Variants in ANK3 observed in about 807,000 individuals in gnomAD.
ANK3 encodes the protein ankyrin 3.
In ANK3, 57 loss-of-function variants were observed where a neutral mutation model predicts 370.9. That is an observed-to-expected ratio of 0.15 (90% confidence interval 0.12 to 0.19). The LOEUF (loss-of-function observed/expected upper bound fraction) is 0.19. Among genes scored for constraint, ANK3 ranks in the 10% least tolerant of loss-of-function variants. The pLI, the probability that ANK3 is intolerant of heterozygous loss-of-function variation, is 1.00. For synonymous variants in ANK3, 1,929 were observed against 1,946.3 expected (o/e 0.99, Z 0.23); for missense variants, 4,439 against 5,302.1 (o/e 0.84, Z 5.06).
At chr10:60,038,250 A>C (rs1346239457) in intron 43 of ANK3, among the ~76,000 whole-genome samples, 2 of 152,148 alleles carry the variant, frequency 1.3e-5, no homozygotes, top group African/African-American at 4.8e-5. Context: ...TACAAAAATT[A>C]GCGGGGCATG....
At chr10:60,300,489 A>G in intron 1 of ANK3, 3 of 1,268,764 alleles carry the variant, frequency 2.4e-6, no homozygotes, top group Non-Finnish European at 3.1e-6. Flanking sequence ...AGCTGGTCAG[A>G]AGCAACTAAC....
chr10:60,346,752 A>T (rs1157049367), intron 1 of ANK3, among the ~76,000 whole-genome samples: 1 of 152,052 alleles, frequency 6.6e-6, no homozygotes, highest in African/African-American at 2.4e-5. Context: ...GCTATGCCTC[A>T]TGTCTTTTGC....
At chr10:60,232,595 G>C (rs755280955) in intron 8 of ANK3, among the ~76,000 whole-genome samples, 5 of 152,094 alleles carry the variant, frequency 3.3e-5, no homozygotes, top group Admixed American at 6.5e-5. Flanking sequence ...CAGTCATTTA[G>C]GGGTCGGCCT....
At chr10:60,426,326 C>A (rs932140733) in intron 2 of ANK3, among the ~76,000 whole-genome samples, 1 of 152,100 alleles carries the variant, frequency 6.6e-6, no homozygotes, top group Non-Finnish European at 1.5e-5. Context: ...CCCAAAGCTG[C>A]CATGTCCCTA....
At chr10:60,277,355 A>G (rs2132697971) in intron 4 of ANK3, among the ~76,000 whole-genome samples, 1 of 152,358 alleles carries the variant, frequency 6.6e-6, no homozygotes, top group South Asian at 2.1e-4. Context: ...TACTCTTAAA[A>G]GATAAAACTG....
At chr10:60,185,882 C>T (rs1301823110) in intron 17 of ANK3, among the ~76,000 whole-genome samples, 1 of 152,136 alleles carries the variant, frequency 6.6e-6, no homozygotes, top group South Asian at 2.1e-4. Context: ...CTTGACAAAA[C>T]TCTAGTCTTT....
intron 2 of ANK3, among the ~76,000 whole-genome samples, chr10:60,489,097 C>T (rs966554807): frequency 2.0e-5 from 3 of 152,088 alleles, no homozygotes; most frequent in Admixed American, 2.0e-4. Flanking sequence ...TTCACAATGA[C>T]CATAGTCCAT....
chr10:60,074,084 C>T lies in ANK3; in HGVS notation c.6797G>A (p.Arg2266Lys), dbSNP rs1277783590. The change falls in exon 37 of 44, where the codon AGA becomes AAA. Residue 2266 changes from arginine to lysine, a missense_variant. By Grantham distance (26) the Arg-to-Lys change is conservative. Around this residue, in one of 13 missense-constraint regions of ANK3, gnomAD observed 1,601 missense variants for 1,731.7 expected, o/e 0.92. Transcript: ENST00000280772. ...ATGGACTGACATGGTTTCTTCAATT[C>T]TTTCAGATGCACCTTCACCGCCTGG... ...SPPGGEGASE[R>K]IEETMSVHDI... The T allele has an allele frequency of 6.2e-7, 1 of 1,614,082 alleles. No individual in the cohort carries two copies. The highest frequency in any genetic ancestry group is 1.1e-5 in the South Asian group (1 of 91,068).
At chr10:60,299,765 T>A (rs1000867395) in intron 1 of ANK3, among the ~76,000 whole-genome samples, 3 of 152,230 alleles carry the variant, frequency 2.0e-5, no homozygotes, top group African/African-American at 2.4e-5. Flanking sequence ...GATGACTTAT[T>A]TATATCTATG....
chr10:60,196,704 C>A (rs1013114198), intron 14 of ANK3, 79 bp from the exon 15 acceptor site: 42 of 869,884 alleles, frequency 4.8e-5, no homozygotes, highest in Admixed American at 4.7e-5. Context: ...AACCAAACAA[C>A]AAACAAACAA....
chr10:60,068,616 C>T, intron 37 of ANK3, 21 bp downstream of exon 37: 1 of 1,577,392 alleles, frequency 6.3e-7, no homozygotes, highest in Non-Finnish European at 8.6e-7. Context: ...GCTCGAGAGA[C>T]CTGACTGCCT....
At chr10:60,670,454 A>G (rs982367148) in intron 1 of ANK3, among the ~76,000 whole-genome samples, 1 of 152,048 alleles carries the variant, frequency 6.6e-6, no homozygotes, top group African/African-American at 2.4e-5. Context: ...TATATCCCAG[A>G]TCCACTCGGT....
intron 43 of ANK3, among the ~76,000 whole-genome samples, chr10:60,030,884 C>G (rs1412079103): frequency 6.6e-6 from 1 of 152,192 alleles, no homozygotes; most frequent in African/African-American, 2.4e-5. Flanking sequence ...AGACCCTCTT[C>G]TAGTTCTGTC....
intron 28 of ANK3, among the ~76,000 whole-genome samples, chr10:60,096,528 T>C (rs932197254): frequency 6.6e-6 from 1 of 152,226 alleles, no homozygotes; most frequent in African/African-American, 2.4e-5. Context: ...ACAATCGTAC[T>C]ACATGTTAGT....
chr10:60,513,431 C>T (rs2076138482), intron 2 of ANK3, among the ~76,000 whole-genome samples: 1 of 152,004 alleles, frequency 6.6e-6, no homozygotes, highest in African/African-American at 2.4e-5. Context: ...AATGAGATAC[C>T]ACTCTAGGTT....
chr10:60,275,629 A>G (rs2098078628), intron 4 of ANK3, among the ~76,000 whole-genome samples: 2 of 152,268 alleles, frequency 1.3e-5, no homozygotes, highest in Admixed American at 1.3e-4. Context: ...CCAAAGTCCC[A>G]TACTTGTACT....
intron 1 of ANK3, among the ~76,000 whole-genome samples, chr10:60,678,884 A>G (rs1264662402): frequency 6.6e-6 from 1 of 152,196 alleles, no homozygotes; most frequent in Non-Finnish European, 1.5e-5. Flanking sequence ...TGGATTTGGA[A>G]GTTAAGTTAC....
chr10:60,242,775 T>A (rs533196731), intron 7 of ANK3, among the ~76,000 whole-genome samples: 3 of 152,334 alleles, frequency 2.0e-5, no homozygotes, highest in Admixed American at 2.0e-4. Context: ...TCATATCTTT[T>A]GTCTCATTTA....
chr10:60,267,486 C>T (rs928517855), intron 5 of ANK3, among the ~76,000 whole-genome samples: 8 of 152,026 alleles, frequency 5.3e-5, no homozygotes, highest in Non-Finnish European at 8.8e-5. Context: ...CTTAAAACTA[C>T]AAAAATAACA....
Sources: allele counts gnomAD v4.1 joint callset (sites outside exome capture counted in the v4.1 genomes callset), GRCh38; gene constraint gnomAD v4.1.1; regional missense constraint gnomAD v4.1.1; transcripts MANE v1.5; gene names NCBI Gene and HGNC (gene_info 2026-07-23, HGNC 2026-07-21).